ATP8A2: variants seen among roughly 807,000 people sequenced by gnomAD.
ATP8A2 encodes phospholipid-transporting ATPase IB.
Under a neutral mutation model 165.6 loss-of-function variants are expected in ATP8A2, and 100 were observed. The observed-to-expected ratio is 0.60, with a 90% CI of 0.51 to 0.71. ATP8A2 has a LOEUF of 0.71. ATP8A2 is among the 30% of genes least tolerant of loss of function. The probability of loss-of-function intolerance (pLI) is 0.00; values close to 1 mark genes in which losing one functional copy is unlikely to be tolerated. For synonymous variants in ATP8A2, 543 were observed against 548.8 expected, an observed-to-expected ratio of 0.99 and a Z score of 0.15; for missense variants, 1,227 against 1,479.5, an observed-to-expected ratio of 0.83 and a Z score of 2.80.
intron 24 of ATP8A2, among the ~76,000 whole-genome samples, chr13:25,627,543 T>C (rs2137492559): frequency 6.6e-6 from 1 of 152,272 alleles, no homozygotes; most frequent in East Asian, 1.9e-4. Flanking sequence ...CTCTCCACCA[T>C]CTCAACGCCA....
chr13:25,511,847 G>A (rs528965423), intron 2 of ATP8A2, among the ~76,000 whole-genome samples: 2 of 150,606 alleles, frequency 1.3e-5, no homozygotes, highest in African/African-American at 4.9e-5. Flanking sequence ...AACTTCTTCT[G>A]TATAACTTGT....
chr13:25,860,817 C>G lies in ATP8A2; in HGVS notation c.3032C>G (p.Thr1011Ser). 1 of 1,596,772 alleles carries G rather than the reference C, an allele frequency of 6.3e-7. No individual in the cohort carries two copies. ...GNIVYTYVVVTVCLKAGLETT... is the reference protein window; with the variant it reads ...GNIVYTYVVVSVCLKAGLETT... ...TTATTTTCACAGTATGTTGTTGTTA[C>G]TGTTTGTCTGAAAGCTGGTTTGGAG... is the stretch of plus-strand genomic sequence containing the variant. Residue 1011 changes from threonine (T) to serine (S), a missense_variant, in exon 32 of 37, where the codon ACT becomes AGT. This residue lies in a region of ATP8A2 where 260 missense variants were observed against 245.1 expected (regional missense o/e 1.06). Transcript: ENST00000381655.
At chr13:25,830,481 C>T (rs1369012188) in intron 28 of ATP8A2, among the ~76,000 whole-genome samples, 2 of 152,142 alleles carry the variant, frequency 1.3e-5, no homozygotes, top group Non-Finnish European at 2.9e-5. Flanking sequence ...CCAGTGAGTG[C>T]TGGCAGTTGG....
intron 2 of ATP8A2, among the ~76,000 whole-genome samples, chr13:25,471,895 A>T (rs947466040): frequency 1.3e-5 from 2 of 152,250 alleles, no homozygotes; most frequent in Non-Finnish European, 2.9e-5. Context: ...TAATTGAATT[A>T]GTTGAAATAT....
In ATP8A2 at chr13:25,469,069, A is replaced by G. The variant is rs775292632; in HGVS notation, c.169A>G (p.Thr57Ala). 4 of 1,613,942 alleles carry G rather than the reference A, an allele frequency of 2.5e-6. No homozygotes were observed. The highest frequency in any genetic ancestry group is 1.7e-6 in the Non-Finnish European group (2 of 1,179,934). Reference sequence around the variant, plus strand: ...AGACCAGCTGGAGGCACCCGCCCGCACCATTTACCTCAACCAACCGCATCT... The same window carrying G: ...AGACCAGCTGGAGGCACCCGCCCGCGCCATTTACCTCAACCAACCGCATCT... ...VGDQLEAPARTIYLNQPHLNK... is the reference protein window; with the variant it reads ...VGDQLEAPARAIYLNQPHLNK... The change falls in exon 2 of 37, where the codon ACC becomes GCC. Residue 57 changes from threonine (T) to alanine (A), a missense_variant. Physicochemically the swap from Thr to Ala is moderately conservative, Grantham distance 58. Around this residue, in one of 5 missense-constraint regions of ATP8A2, gnomAD observed 356 missense variants for 394.9 expected, o/e 0.90. Transcript: ENST00000381655.
intron 30 of ATP8A2, among the ~76,000 whole-genome samples, chr13:25,853,389 TAAAA>T (rs58660867): frequency 0.091 from 6,543 of 72,266 alleles, 427 homozygotes; most frequent in Admixed American, 0.19. Context: ...AGACTCTATC[TAAAA>T]AAAATATATA....
At chr13:25,559,447 G>A (rs1020068555) in intron 14 of ATP8A2, among the ~76,000 whole-genome samples, 25 of 152,134 alleles carry the variant, frequency 1.6e-4, no homozygotes, top group South Asian at 4.1e-4. Context: ...CAGGAGAATC[G>A]CTTGAACTTG....
chr13:25,766,425 A>G (rs182172932), intron 25 of ATP8A2, among the ~76,000 whole-genome samples: 2 of 152,178 alleles, frequency 1.3e-5, no homozygotes, highest in Admixed American at 1.3e-4. Context: ...CCATCATTAA[A>G]TAATCATTAC....
At chr13:25,734,921 G>C (rs2043734233) in intron 25 of ATP8A2, among the ~76,000 whole-genome samples, 1 of 152,164 alleles carries the variant, frequency 6.6e-6, no homozygotes, top group African/African-American at 2.4e-5. Context: ...TTACAGGCGT[G>C]AGCTACCATG....
At chr13:25,432,118 A>G (rs2034631057) in intron 1 of ATP8A2, among the ~76,000 whole-genome samples, 2 of 152,172 alleles carry the variant, frequency 1.3e-5, no homozygotes, top group Non-Finnish European at 2.9e-5. Context: ...GATATCCCAC[A>G]TTTTGTTTAT....
At chr13:25,622,166 A>G (rs544281881) in intron 24 of ATP8A2, among the ~76,000 whole-genome samples, 2 of 148,610 alleles carry the variant, frequency 1.3e-5, no homozygotes, top group East Asian at 2.0e-4. Context: ...AGATGGCACC[A>G]TTGCACTCCA....
intron 24 of ATP8A2, among the ~76,000 whole-genome samples, chr13:25,641,692 A>G (rs955661835): frequency 1.3e-5 from 2 of 152,102 alleles, no homozygotes; most frequent in Non-Finnish European, 2.9e-5. Context: ...GGTAATTTAT[A>G]GATTCAATGC....
At chr13:25,668,243 G>A (rs1028558140) in intron 24 of ATP8A2, among the ~76,000 whole-genome samples, 4 of 152,044 alleles carry the variant, frequency 2.6e-5, no homozygotes, top group African/African-American at 9.7e-5. Flanking sequence ...TTTAGCTACT[G>A]TATATCTGGG....
At chr13:25,538,206 C>T in intron 7 of ATP8A2, 145 bp downstream of exon 7, 3 of 580,808 alleles carry the variant, frequency 5.2e-6, no homozygotes, top group Non-Finnish European at 9.2e-6. Context: ...CATTTCCCTT[C>T]TCCTGCCATG....
At chr13:25,792,047 C>G (rs2045193433) in intron 27 of ATP8A2, among the ~76,000 whole-genome samples, 1 of 152,080 alleles carries the variant, frequency 6.6e-6, no homozygotes, top group Non-Finnish European at 1.5e-5. Context: ...CTTTTTAGAG[C>G]AGTGTGTAGA....
intron 24 of ATP8A2, among the ~76,000 whole-genome samples, chr13:25,617,325 A>C (rs1273083900): frequency 6.6e-6 from 1 of 152,136 alleles, no homozygotes; most frequent in South Asian, 2.1e-4. Flanking sequence ...TTTTCTTGTT[A>C]TTTATGTGGA....
At chr13:25,632,379 C>T (rs1033142716) in intron 24 of ATP8A2, among the ~76,000 whole-genome samples, 3 of 152,112 alleles carry the variant, frequency 2.0e-5, no homozygotes, top group East Asian at 3.9e-4. Flanking sequence ...AATCCTGCCT[C>T]GGTCTTTCCT....
intron 25 of ATP8A2, among the ~76,000 whole-genome samples, chr13:25,766,023 C>T (rs532603859): frequency 2.4e-4 from 36 of 152,284 alleles, no homozygotes; most frequent in Non-Finnish European, 4.3e-4. Flanking sequence ...GGGTGACATA[C>T]GGACTTAAGG....
chr13:25,888,524 C>G (rs1298199288), intron 33 of ATP8A2, among the ~76,000 whole-genome samples: 2 of 152,158 alleles, frequency 1.3e-5, no homozygotes. Flanking sequence ...ACAATGTGCT[C>G]AAATGTTTTA....
Sources: allele counts gnomAD v4.1 joint callset (sites outside exome capture counted in the v4.1 genomes callset), GRCh38; gene constraint gnomAD v4.1.1; regional missense constraint gnomAD v4.1.1; transcripts MANE v1.5; gene names NCBI Gene and HGNC (gene_info 2026-07-23, HGNC 2026-07-21).